Variants in LRP1B observed in about 807,000 individuals in gnomAD.
The protein encoded by LRP1B is low-density lipoprotein receptor-related protein 1B.
In LRP1B, 217 loss-of-function variants were observed where a neutral mutation model predicts 556.6. That is an observed-to-expected ratio of 0.39 (90% CI 0.35 to 0.44). The LOEUF is 0.44. Among genes scored for constraint, LRP1B ranks in the 20% least tolerant of loss-of-function variants. The pLI, the probability that LRP1B is intolerant of heterozygous loss-of-function variation, is 1.00. For synonymous variants in LRP1B, 2,047 were observed against 1,865.8 expected (o/e 1.10, Z -2.50); for missense variants, 5,053 against 5,620.8 (o/e 0.90, Z 3.23).
intron 87 of LRP1B, among the ~76,000 whole-genome samples, chr2:140,242,310 C>T (rs1163495617): frequency 6.6e-6 from 1 of 151,052 alleles, no homozygotes; most frequent in East Asian, 2.0e-4. Flanking sequence ...GTTCTCATAG[C>T]ACTCTGTACA....
intron 1 of LRP1B, among the ~76,000 whole-genome samples, chr2:141,867,606 T>A (rs1016526694): frequency 6.6e-6 from 1 of 152,120 alleles, no homozygotes; most frequent in African/African-American, 2.4e-5. Flanking sequence ...GCATTTACAT[T>A]TTTATCAGCG....
intron 7 of LRP1B, among the ~76,000 whole-genome samples, chr2:141,171,510 C>G (rs182053438): frequency 6.6e-6 from 1 of 152,064 alleles, no homozygotes; most frequent in Non-Finnish European, 1.5e-5. Context: ...AGAGCTGTCT[C>G]ATGTTAAGTT....
intron 2 of LRP1B, among the ~76,000 whole-genome samples, chr2:141,744,795 G>T (rs1693852768): frequency 6.6e-6 from 1 of 152,132 alleles, no homozygotes; most frequent in Non-Finnish European, 1.5e-5. Flanking sequence ...GGTATTTATT[G>T]TAGTCTTCAC....
At chr2:141,899,392 A>C (rs1699552438) in intron 1 of LRP1B, among the ~76,000 whole-genome samples, 1 of 152,154 alleles carries the variant, frequency 6.6e-6, no homozygotes, top group Non-Finnish European at 1.5e-5. Flanking sequence ...TAAATAGACT[A>C]TTTAAATAAA....
In LRP1B at chr2:140,906,188, T is replaced by C. The variant is rs188381628; in HGVS notation, c.3520+1689A>G. On this transcript the variant is annotated intron_variant, in intron 22 of 90. Transcript: ENST00000389484. ...TTGTCTTTTTATTTTCTCTGGTACT[T>C]CCACACCAGATTCCTCCTTATAATC... Among the ~76,000 whole-genome samples, 148 of 152,294 alleles carry C rather than the reference T, an allele frequency of 9.7e-4. 1 individual carries two copies. The highest frequency in any genetic ancestry group is 3.2e-3 in the African/African-American group (134 of 41,578).
intron 2 of LRP1B, among the ~76,000 whole-genome samples, chr2:141,698,959 T>C (rs12613378): frequency 0.34 from 51,638 of 151,640 alleles, 9,336 homozygotes; most frequent in East Asian, 0.58. Flanking sequence ...TTGAGAAACA[T>C]GGAATTGGAG....
intron 35 of LRP1B, among the ~76,000 whole-genome samples, chr2:140,762,246 CA>C (rs1688951797): frequency 6.6e-6 from 1 of 152,094 alleles, no homozygotes; most frequent in South Asian, 2.1e-4. Context: ...ATGTCAATCT[CA>C]GGGGCAAAAA....
chr2:141,960,499 C>T (rs1359670967), intron 1 of LRP1B, among the ~76,000 whole-genome samples: 5 of 151,846 alleles, frequency 3.3e-5, no homozygotes, highest in Non-Finnish European at 7.4e-5. Flanking sequence ...GTGCTCCTTA[C>T]TATTTCCGAC....
chr2:141,120,001 T>C (rs919933622), intron 7 of LRP1B, among the ~76,000 whole-genome samples: 6 of 151,952 alleles, frequency 3.9e-5, no homozygotes, highest in Admixed American at 2.0e-4. Flanking sequence ...TTTTGTTTTA[T>C]TTTTAAATAA....
chr2:140,259,167 A>G (rs575808647), intron 86 of LRP1B, among the ~76,000 whole-genome samples: 2 of 152,218 alleles, frequency 1.3e-5, no homozygotes, highest in African/African-American at 4.8e-5. Flanking sequence ...CACAGGCTGT[A>G]TTTCTCCTTG....
intron 1 of LRP1B, among the ~76,000 whole-genome samples, chr2:142,117,773 G>A (rs1167545115): frequency 1.3e-5 from 2 of 152,120 alleles, no homozygotes; most frequent in East Asian, 3.9e-4. Flanking sequence ...AATCACTCAA[G>A]GCCAGAGTCT....
rs368580270 is a variant in LRP1B, at chr2:140,501,656, G to A, written c.8850+31C>T. 68 of 1,495,198 alleles carry A rather than the reference G, an allele frequency of 4.5e-5. No individual in the cohort carries two copies. The East Asian group carries it at 7.7e-4, about 17-fold the overall frequency. The allele number at this position is 1,495,198 out of a possible 1,614,324, so 92.6% of individuals were successfully genotyped here. ...TCTTAACCTCCAATTCTAATGTATC[G>A]TATGATTTGCTACTTTTGATGAGTA... On this transcript the variant is annotated intron_variant, in intron 55 of 90. Coordinates refer to ENST00000389484, the MANE Select transcript of LRP1B (RefSeq NM_018557.3).
At chr2:140,689,490 A>G (rs1686163474) in intron 41 of LRP1B, among the ~76,000 whole-genome samples, 2 of 152,218 alleles carry the variant, frequency 1.3e-5, no homozygotes, top group Admixed American at 6.5e-5. Flanking sequence ...TCATTGCTCA[A>G]TTAAACTCCC....
chr2:141,908,632 T>C (rs1699824121), intron 1 of LRP1B, among the ~76,000 whole-genome samples: 2 of 152,108 alleles, frequency 1.3e-5, no homozygotes, highest in Admixed American at 1.3e-4. Flanking sequence ...ATATAACATG[T>C]AATAAAGACC....
intron 2 of LRP1B, among the ~76,000 whole-genome samples, chr2:141,484,349 T>G (rs1312822561): frequency 6.7e-6 from 1 of 150,200 alleles, no homozygotes; most frequent in East Asian, 2.0e-4. Context: ...AGTACCATGC[T>G]GTTTTGGTTA....
chr2:140,577,243 G>A (rs930844624), intron 43 of LRP1B, among the ~76,000 whole-genome samples: 31 of 152,056 alleles, frequency 2.0e-4, no homozygotes, highest in African/African-American at 7.5e-4. Context: ...CCAGCACTTT[G>A]GGAGGCTGAG....
intron 1 of LRP1B, among the ~76,000 whole-genome samples, chr2:141,822,603 T>C (rs75953479): frequency 0.015 from 2,219 of 152,304 alleles, 55 homozygotes; most frequent in African/African-American, 0.051. Flanking sequence ...TCAGGGATGA[T>C]GTGAAATCTC....
intron 3 of LRP1B, among the ~76,000 whole-genome samples, chr2:141,310,399 C>T (rs917815203): frequency 3.3e-5 from 5 of 152,062 alleles, no homozygotes; most frequent in Admixed American, 1.3e-4. Flanking sequence ...GTGCATACCT[C>T]GTAGGGTTAT....
At chr2:141,489,178 G>T (rs1683241678) in intron 2 of LRP1B, among the ~76,000 whole-genome samples, 2 of 134,434 alleles carry the variant, frequency 1.5e-5, no homozygotes, top group South Asian at 4.7e-4. Context: ...TTCAAAGACA[G>T]AATTTTGCCA....
Sources: gnomAD v4.1 joint callset for allele counts (sites outside exome capture counted in the v4.1 genomes callset) on GRCh38, gnomAD v4.1.1 for gene constraint, MANE v1.5 for transcripts, NCBI Gene and HGNC (gene_info 2026-07-23, HGNC 2026-07-21) for gene names.